HS3ST5: variants seen among roughly 807,000 people sequenced by gnomAD.
HS3ST5 encodes heparan sulfate-glucosamine 3-sulfotransferase 5.
In HS3ST5, 10 loss-of-function variants were observed where a neutral mutation model predicts 25.4. The observed-to-expected ratio is 0.39, with a 90% confidence interval of 0.24 to 0.67. The LOEUF (loss-of-function observed/expected upper bound fraction) is 0.67, where lower values mean the gene tolerates loss of function less well. HS3ST5 is among the 30% of genes least tolerant of loss of function. The probability of loss-of-function intolerance (pLI) is 0.44; values close to 1 mark genes in which losing one functional copy is unlikely to be tolerated. For missense variants in HS3ST5, 324 were observed against 420.7 expected, an observed-to-expected ratio of 0.77 and a Z score of 2.01; for synonymous variants, 170 against 162.4, an observed-to-expected ratio of 1.05 and a Z score of -0.36.
intron 3 of HS3ST5, among the ~76,000 whole-genome samples, chr6:114,127,857 G>GAGAGAGAGAGAGAGACTTATAT (rs1777124505): frequency 7.1e-6 from 1 of 141,584 alleles, no homozygotes; most frequent in Non-Finnish European, 1.6e-5. Context: ...TATATATATA[G>GAGAGAGAGAGAGAGACTTATAT]AGAGAGAGAG....
chr6:114,225,026 A>C (rs1302682667), intron 2 of HS3ST5, among the ~76,000 whole-genome samples: 1 of 151,734 alleles, frequency 6.6e-6, no homozygotes, highest in Non-Finnish European at 1.5e-5. Flanking sequence ...ATTTGCCTCT[A>C]GCCTTTACAC....
chr6:114,150,235 G>A (rs1264593138), intron 3 of HS3ST5, among the ~76,000 whole-genome samples: 1 of 152,142 alleles, frequency 6.6e-6, no homozygotes, highest in Admixed American at 6.5e-5. Flanking sequence ...AATCTGTACT[G>A]TTATTTGTGC....
chr6:114,200,321 CA>C (rs1311810100), intron 2 of HS3ST5, among the ~76,000 whole-genome samples: 1 of 152,172 alleles, frequency 6.6e-6, no homozygotes, highest in Non-Finnish European at 1.5e-5. Context: ...CTATGTGTGA[CA>C]AAAGGTGTTA....
rs929347430 is a variant in HS3ST5 at position 114,084,237 on chromosome 6, C to G, written c.-32-21360G>C. 2.0e-5 allele frequency: 22 copies of G among 1,085,092 alleles called. No individual in the cohort carries two copies. The Admixed American group carries it at 3.7e-4, about 18-fold the overall frequency. 67.2% of individuals were successfully genotyped at this position (1,085,092 alleles called of 1,614,324 possible). Reference sequence around the variant, plus strand: ...CAATGGGAGCTGCAGACCAGTCTTCCGTGGCAGGCTGAGCACTCCAATATT... The same window carrying G: ...CAATGGGAGCTGCAGACCAGTCTTCGGTGGCAGGCTGAGCACTCCAATATT... On this transcript the variant is annotated intron_variant, in intron 3 of 4. Transcript: ENST00000312719.
At chr6:114,167,383 A>G (rs930270653) in intron 3 of HS3ST5, 3 of 152,232 alleles carry the variant, frequency 2.0e-5, no homozygotes, top group Non-Finnish European at 4.4e-5. Flanking sequence ...CTGTAGACAC[A>G]GTAGTAAGTA....
chr6:114,233,801 C>G (rs1445523724), intron 1 of HS3ST5, among the ~76,000 whole-genome samples: 5 of 152,064 alleles, frequency 3.3e-5, no homozygotes, highest in Non-Finnish European at 7.4e-5. Flanking sequence ...CTGAAAAGAA[C>G]AAAAGGATCT....
At chr6:114,181,590 C>T (rs372421019) in intron 2 of HS3ST5, among the ~76,000 whole-genome samples, 12 of 152,218 alleles carry the variant, frequency 7.9e-5, no homozygotes, top group East Asian at 3.9e-4. Context: ...AAAAAAATAA[C>T]GCCTGTTACA....
At chr6:114,131,601 A>T (rs1562208972) in intron 3 of HS3ST5, among the ~76,000 whole-genome samples, 2 of 152,208 alleles carry the variant, frequency 1.3e-5, no homozygotes, top group Admixed American at 6.5e-5. Flanking sequence ...TTTGAAATTT[A>T]AAAAAATTTC....
intron 1 of HS3ST5, among the ~76,000 whole-genome samples, chr6:114,300,694 A>G (rs779482468): frequency 6.6e-6 from 1 of 152,198 alleles, no homozygotes; most frequent in East Asian, 1.9e-4. Context: ...CACACACACA[A>G]ACGTGTACAT....
chr6:114,103,857 A>ATTTTTTTTTTTT (rs71553394), intron 3 of HS3ST5, among the ~76,000 whole-genome samples: 5 of 107,138 alleles, frequency 4.7e-5, no homozygotes, highest in African/African-American at 7.4e-5. Flanking sequence ...CACCTGGCTA[A>ATTTTTTTTTTTT]TTTTTTTTTT....
chr6:114,104,412 A>G (rs1460044805), intron 3 of HS3ST5, among the ~76,000 whole-genome samples: 6 of 152,176 alleles, frequency 3.9e-5, no homozygotes, highest in Non-Finnish European at 7.3e-5. Flanking sequence ...CCGGCAGCCC[A>G]TAGCCATTTT....
chr6:114,184,054 CTTTTTTTTTTTTT>C (rs34370810), intron 2 of HS3ST5, among the ~76,000 whole-genome samples: 991 of 78,876 alleles, frequency 0.013, 16 homozygotes, highest in African/African-American at 0.047. Flanking sequence ...TTTTTCCTTT[CTTTTTTTTTTTTT>C]TTTTTTTTTT....
chr6:114,281,520 C>T (rs1268228268), intron 1 of HS3ST5, among the ~76,000 whole-genome samples: 1 of 151,962 alleles, frequency 6.6e-6, no homozygotes, highest in Non-Finnish European at 1.5e-5. Flanking sequence ...GCCTATTTTC[C>T]AATCACCTGT....
chr6:114,160,667 A>T (rs2114981044), intron 3 of HS3ST5, among the ~76,000 whole-genome samples: 1 of 152,292 alleles, frequency 6.6e-6, no homozygotes. Context: ...TTAACATTTT[A>T]AAAGAAAGTT....
intron 3 of HS3ST5, among the ~76,000 whole-genome samples, chr6:114,133,184 G>T (rs1777430456): frequency 6.6e-6 from 1 of 152,028 alleles, no homozygotes; most frequent in Admixed American, 6.6e-5. Context: ...CCCATCAAGG[G>T]ATGACAATGG....
In HS3ST5 at chr6:114,055,934, C is replaced by T. The variant is rs775040087; in HGVS notation, c.*1323G>A. 6.6e-6 allele frequency: 1 copy of T among 152,158 alleles called. No homozygotes were observed. The highest frequency in any genetic ancestry group is 6.5e-5 in the Admixed American group (1 of 15,276). 9.4% of individuals were successfully genotyped at this position (152,158 alleles called of 1,614,324 possible). On this transcript the variant is annotated 3_prime_UTR_variant, in exon 5 of 5. Coordinates refer to ENST00000312719, the MANE Select transcript of HS3ST5 (RefSeq NM_153612.4). ...TAATTTCTCTGGATGGAAATATGAG[C>T]CATATGTTTATGTTAGTAATGGCAA... is the stretch of plus-strand genomic sequence containing the variant.
intron 1 of HS3ST5, among the ~76,000 whole-genome samples, chr6:114,237,748 C>A (rs1163072444): frequency 1.3e-5 from 2 of 152,160 alleles, no homozygotes; most frequent in Non-Finnish European, 2.9e-5. Flanking sequence ...AAAGTTTGTT[C>A]ATTAATCTGG....
At chr6:114,306,889 C>T (rs575484716) in intron 1 of HS3ST5, among the ~76,000 whole-genome samples, 33 of 152,282 alleles carry the variant, frequency 2.2e-4, no homozygotes, top group African/African-American at 7.9e-4. Context: ...ACATATAGGA[C>T]ATACGATCAC....
chr6:114,183,842 T>C (rs1490125719), intron 2 of HS3ST5, among the ~76,000 whole-genome samples: 1 of 152,112 alleles, frequency 6.6e-6, no homozygotes, highest in Non-Finnish European at 1.5e-5. Context: ...GAAACACAGA[T>C]AGTAAAAATG....
Sources: allele counts gnomAD v4.1 joint callset (sites outside exome capture counted in the v4.1 genomes callset), GRCh38; gene constraint gnomAD v4.1.1; transcripts MANE v1.5; gene names NCBI Gene and HGNC (gene_info 2026-07-23, HGNC 2026-07-21).